Variants in DIP2C observed in about 807,000 individuals in gnomAD.
DIP2C encodes the protein disco-interacting protein 2 homolog C.
In DIP2C, 33 loss-of-function variants were observed where a neutral mutation model predicts 192.4. The observed-to-expected ratio is 0.17, with a 90% CI of 0.13 to 0.23. The LOEUF is 0.23. Among genes scored for constraint, DIP2C ranks in the 10% least tolerant of loss-of-function variants. The pLI, the probability that DIP2C is intolerant of heterozygous loss-of-function variation, is 1.00. For synonymous variants in DIP2C, 979 were observed against 864.1 expected (o/e 1.13, Z -2.33); for missense variants, 1,537 against 2,110.1 (o/e 0.73, Z 5.32).
chr10:510,677 A>C (rs544447454), intron 1 of DIP2C, among the ~76,000 whole-genome samples: 1 of 152,380 alleles, frequency 6.6e-6, no homozygotes, highest in Admixed American at 6.5e-5. Flanking sequence ...ATCTAGAAGC[A>C]AAAGAAGCTG....
At chr10:537,189 A>T (rs1353969799) in intron 1 of DIP2C, among the ~76,000 whole-genome samples, 1 of 151,912 alleles carries the variant, frequency 6.6e-6, no homozygotes, top group Admixed American at 6.6e-5. Context: ...AGGGCGTGGG[A>T]TCTTGGCCCC....
chr10:497,881 A>AT (rs1425707494), intron 1 of DIP2C, among the ~76,000 whole-genome samples: 1 of 152,006 alleles, frequency 6.6e-6, no homozygotes, highest in Non-Finnish European at 1.5e-5. Context: ...GAGATGAAAA[A>AT]TTTTTTCTTG....
At chr10:295,830 A>G (rs919226586) in intron 32 of DIP2C, among the ~76,000 whole-genome samples, 1 of 151,962 alleles carries the variant, frequency 6.6e-6, no homozygotes, top group Non-Finnish European at 1.5e-5. Flanking sequence ...TATATGGTGA[A>G]ACCCCATCTC....
In DIP2C at chr10:493,137, G is replaced by A. The variant is rs573958128; in HGVS notation, c.86-6607C>T. 3.2e-4 allele frequency among the ~76,000 whole-genome samples: 48 copies of A among 152,292 alleles called. No individual in the cohort carries two copies. The East Asian group carries it at 7.7e-3, about 24-fold the overall frequency. On this transcript the variant is annotated intron_variant, in intron 1 of 36. Coordinates refer to ENST00000280886, the MANE Select transcript of DIP2C (RefSeq NM_014974.3). ...ACTGGGGGCTCTGCACGAGGTCCCC[G>A]GAGATGCCCCAGCAGTCATCCTGGC...
chr10:288,195 A>T (rs757420764), intron 33 of DIP2C, among the ~76,000 whole-genome samples, 169 bp downstream of exon 33: 2 of 151,350 alleles, frequency 1.3e-5, no homozygotes, highest in African/African-American at 4.9e-5. Context: ...AAAAAAGTCT[A>T]ACTTGTTTAA....
At chr10:398,565 G>A (rs1316596704) in intron 10 of DIP2C, among the ~76,000 whole-genome samples, 2 of 152,194 alleles carry the variant, frequency 1.3e-5, no homozygotes, top group African/African-American at 4.8e-5. Flanking sequence ...TGAGGCTGTG[G>A]CATGGCCACG....
intron 1 of DIP2C, among the ~76,000 whole-genome samples, chr10:546,118 C>A (rs1284673178): frequency 7.1e-6 from 1 of 141,794 alleles, no homozygotes; most frequent in East Asian, 2.0e-4. Flanking sequence ...CCCATCTCTA[C>A]TAAAATAATA....
chr10:472,309 A>T, intron 3 of DIP2C, 130 bp downstream of exon 3: 6 of 719,322 alleles, frequency 8.3e-6, no homozygotes. Context: ...TCCGTGCAGA[A>T]AGCTGGAGGC....
At chr10:500,807 G>A (rs1163249848) in intron 1 of DIP2C, among the ~76,000 whole-genome samples, 1 of 152,196 alleles carries the variant, frequency 6.6e-6, no homozygotes, top group Non-Finnish European at 1.5e-5. Context: ...GGTCCCATCA[G>A]GACAGGAATG....
chr10:300,805 G>C (rs2132262907), intron 32 of DIP2C, among the ~76,000 whole-genome samples: 1 of 150,732 alleles, frequency 6.6e-6, no homozygotes. Context: ...CCGGAACCCA[G>C]GGGCGGCCCT....
chr10:680,250 T>C (rs1831082518), intron 1 of DIP2C, among the ~76,000 whole-genome samples: 1 of 151,876 alleles, frequency 6.6e-6, no homozygotes, highest in South Asian at 2.1e-4. Context: ...AAGTTAAAAA[T>C]AGATGTTTGT....
chr10:669,669 G>A (rs990925158), intron 1 of DIP2C: 1 of 152,216 alleles, frequency 6.6e-6, no homozygotes, highest in African/African-American at 2.4e-5. Context: ...CAAACACCTT[G>A]TTTCCCTGAA....
chr10:480,320 G>A (rs557988655), intron 2 of DIP2C, among the ~76,000 whole-genome samples: 5 of 145,446 alleles, frequency 3.4e-5, no homozygotes, highest in East Asian at 2.1e-4. Context: ...CCTGAGCTCC[G>A]GTCCATGCTC....
chr10:356,177 T>C (rs1959070763), intron 24 of DIP2C: 1 of 587,542 alleles, frequency 1.7e-6, no homozygotes, highest in South Asian at 2.0e-5. Flanking sequence ...ATTACTCATT[T>C]TGGGGGAGAA....
rs780552851 is a variant in DIP2C, at chr10:436,782, GCTCTCTC to G, written c.394+4082_394+4088del. On this transcript the variant is annotated intron_variant, in intron 4 of 36. Coordinates refer to ENST00000280886, the MANE Select transcript of DIP2C (RefSeq NM_014974.3). ...GGTGATATGCTCCGCCCACACCTGA[GCTCTCTC>G]TGAGCTCCGCCTCCTGGACATGGTA... Among the ~76,000 whole-genome samples the G allele has an allele frequency of 4.1e-4, 46 of 113,028 alleles. 1 individual carries two copies. Among genetic ancestry groups the G allele is most frequent in the Admixed American group, 4.9e-4 (6 of 12,308 alleles). 74.2% of individuals were successfully genotyped at this position (113,028 alleles called of 152,430 possible).
At chr10:378,941 A>T (rs1248992833) in intron 17 of DIP2C, among the ~76,000 whole-genome samples, 4 of 152,252 alleles carry the variant, frequency 2.6e-5, no homozygotes, top group Non-Finnish European at 5.9e-5. Flanking sequence ...GCGAGTCACC[A>T]GCCCTTGTCC....
intron 32 of DIP2C, among the ~76,000 whole-genome samples, chr10:309,760 AGG>A (rs1956491134): frequency 6.6e-6 from 1 of 152,122 alleles, no homozygotes; most frequent in Non-Finnish European, 1.5e-5. Context: ...CATGTTGCCC[AGG>A]CTGGTCTCGA....
chr10:353,608 T>C (rs947935546), intron 24 of DIP2C, among the ~76,000 whole-genome samples: 2 of 152,248 alleles, frequency 1.3e-5, no homozygotes, highest in East Asian at 3.9e-4. Flanking sequence ...GCCAGGCTGG[T>C]CTCAAACTCC....
intron 3 of DIP2C, among the ~76,000 whole-genome samples, chr10:469,784 A>AT (rs1970483513): frequency 6.6e-6 from 1 of 152,156 alleles, no homozygotes; most frequent in Admixed American, 6.5e-5. Flanking sequence ...CATCTTCAGG[A>AT]TCAAGTCCAA....
Sources: gnomAD v4.1 joint callset for allele counts (sites outside exome capture counted in the v4.1 genomes callset) on GRCh38, gnomAD v4.1.1 for gene constraint, MANE v1.5 for transcripts, NCBI Gene and HGNC (gene_info 2026-07-23, HGNC 2026-07-21) for gene names.